The following INSR variants were observed in gnomAD, a reference collection of about 807,000 sequenced individuals.
INSR encodes IR.
Under a neutral mutation model 142.6 loss-of-function variants are expected in INSR, and 67 were observed. The ratio of observed to expected loss-of-function variants is 0.47; its 90% CI spans 0.39 to 0.58. The LOEUF (loss-of-function observed/expected upper bound fraction) is 0.58, where lower values mean the gene tolerates loss of function less well. Ranked by LOEUF, INSR falls within the 20% of genes least tolerant of loss-of-function variation. The pLI is 0.00. For missense variants in INSR, 1,248 were observed against 1,833.2 expected (o/e 0.68, Z 5.83); for synonymous variants, 756 against 743.1 (o/e 1.02, Z -0.28).
chr19:7,152,404 AG>A (rs1341220347), intron 10 of INSR: 127 of 342,460 alleles, frequency 3.7e-4, no homozygotes, highest in African/African-American at 1.8e-3. Flanking sequence ...AGAGAGAGAG[AG>A]AAAAAAAAAA....
At position 7,254,656 on chromosome 19, in the gene INSR, G is replaced by A. The variant is rs569948675; in HGVS notation, c.652+12689C>T. Among the ~76,000 whole-genome samples, 15 of 152,300 alleles carry A rather than the reference G, an allele frequency of 9.8e-5. No individual in the cohort carries two copies. In the Middle Eastern group the frequency reaches 0.01, roughly 104 times the overall value. On this transcript the variant is annotated intron_variant, in intron 2 of 21. Coordinates refer to ENST00000302850, the MANE Select transcript of INSR (RefSeq NM_000208.4). Reference sequence around the variant, plus strand: ...CACCTCCTTTTACTGGGAAATGCACGGTTCTATCTGACACAGGCGCATTGA... The same window carrying A: ...CACCTCCTTTTACTGGGAAATGCACAGTTCTATCTGACACAGGCGCATTGA...
chr19:7,176,912 A>G (rs1034752637), intron 3 of INSR, among the ~76,000 whole-genome samples: 2 of 152,214 alleles, frequency 1.3e-5, no homozygotes, highest in African/African-American at 4.8e-5. Context: ...AGTTACCCCA[A>G]CGTGGCAGAA....
chr19:7,219,699 A>C (rs1223995602), intron 2 of INSR, among the ~76,000 whole-genome samples: 1 of 152,172 alleles, frequency 6.6e-6, no homozygotes, highest in Non-Finnish European at 1.5e-5. Context: ...AAAAAAAGAA[A>C]AGAACGATTG....
intron 10 of INSR, 24 bp downstream of exon 10, chr19:7,152,702 G>T: frequency 6.3e-7 from 1 of 1,599,970 alleles, no homozygotes; most frequent in South Asian, 1.1e-5. Context: ...CACCCACTAA[G>T]AGAGCCCAGC....
chr19:7,262,949 C>T (rs951386157), intron 2 of INSR, among the ~76,000 whole-genome samples: 3 of 152,156 alleles, frequency 2.0e-5, no homozygotes, highest in Non-Finnish European at 4.4e-5. Context: ...ACCACGTGAA[C>T]GTGCTTAATG....
chr19:7,174,559 C>T lies in INSR; in HGVS notation c.1123+24G>A, dbSNP rs72549234. The stretch of plus-strand genomic sequence containing the variant: ...GGACATGGAGCCCAACAGGCACCCC[C>T]GACGCCCACACAGAGACACTCACTG... On this transcript the variant is annotated intron_variant, in intron 4 of 21. Coordinates refer to ENST00000302850, the MANE Select transcript of INSR (RefSeq NM_000208.4). 104 of 1,613,586 alleles carry T rather than the reference C, an allele frequency of 6.4e-5. No individual in the cohort carries two copies. In the African/African-American group the frequency reaches 9.1e-4, roughly 14 times the overall value.
chr19:7,136,312 A>C (rs1391560372), intron 13 of INSR, among the ~76,000 whole-genome samples: 3 of 152,206 alleles, frequency 2.0e-5, no homozygotes, highest in African/African-American at 7.2e-5. Context: ...CAGATTCTGC[A>C]GAGTGAACAA....
intron 2 of INSR, among the ~76,000 whole-genome samples, chr19:7,199,948 C>T (rs971919501): frequency 7.2e-5 from 11 of 151,868 alleles, no homozygotes; most frequent in African/African-American, 1.9e-4. Context: ...AACGGAGGGG[C>T]GGGGATTAGG....
At chr19:7,131,574 C>T in intron 14 of INSR, among the ~76,000 whole-genome samples, 1 of 149,198 alleles carries the variant, frequency 6.7e-6, no homozygotes, top group East Asian at 2.1e-4. Flanking sequence ...TCTCGATCTC[C>T]TGACCTTGTG....
chr19:7,290,942 C>T (rs756985769), intron 1 of INSR, among the ~76,000 whole-genome samples: 63 of 151,846 alleles, frequency 4.1e-4, no homozygotes, highest in Non-Finnish European at 7.9e-4. Context: ...TTGTGGAACA[C>T]GCCTGTAATC....
intron 9 of INSR, among the ~76,000 whole-genome samples, chr19:7,160,191 G>C (rs1291726488): frequency 6.6e-6 from 1 of 151,806 alleles, no homozygotes; most frequent in Non-Finnish European, 1.5e-5. Context: ...TTTTGCTTTT[G>C]TTACCCAGGC....
At chr19:7,260,310 C>T (rs766799903) in intron 2 of INSR, among the ~76,000 whole-genome samples, 3 of 152,150 alleles carry the variant, frequency 2.0e-5, no homozygotes, top group Non-Finnish European at 4.4e-5. Context: ...TGGCACCCAG[C>T]ATGTCCCGGC....
Position 7,167,994 on chromosome 19 carries a change from C to T in INSR, c.1584G>A (p.Leu528=), listed in dbSNP as rs145334760. The change falls in exon 7 of 22, where the codon TTG becomes TTA. Residue 528 remains leucine (L), a synonymous_variant. Coordinates refer to ENST00000302850, the MANE Select transcript of INSR (RefSeq NM_000208.4). The part of the protein sequence containing the change: ...PYWPPDFRDL[L]GFMLFYKEAP... The stretch of plus-strand genomic sequence containing the variant: ...CCTCTTTGTAGAACAGCATGAACCC[C>T]AAGAGGTCTCGGAAGTCGGGGGGCC... 138 of 1,614,104 alleles carry T rather than the reference C, an allele frequency of 8.5e-5. 1 individual carries two copies. In the African/African-American group the frequency reaches 1.6e-3, roughly 19 times the overall value.
At chr19:7,220,489 A>G (rs1975579530) in intron 2 of INSR, among the ~76,000 whole-genome samples, 1 of 152,212 alleles carries the variant, frequency 6.6e-6, no homozygotes, top group Admixed American at 6.5e-5. Flanking sequence ...GGGTTTCGCC[A>G]TGTTGGCCAG....
intron 9 of INSR, among the ~76,000 whole-genome samples, chr19:7,156,780 CTCTTTTT>C (rs1417520876): frequency 1.5e-5 from 2 of 133,792 alleles, no homozygotes; most frequent in African/African-American, 5.4e-5. Flanking sequence ...TACTATTTCT[CTCTTTTT>C]TTTTTTTTTT....
chr19:7,230,772 C>CACTCCAGCCTGGGTGACAGTGAG (rs1975945020), intron 2 of INSR, among the ~76,000 whole-genome samples: 2 of 144,762 alleles, frequency 1.4e-5, no homozygotes, highest in East Asian at 2.1e-4. Context: ...TGCACCACTG[C>CACTCCAGCCTGGGTGACAGTGAG]ACTCCAGCCT....
At chr19:7,215,957 G>A (rs1975420546) in intron 2 of INSR, among the ~76,000 whole-genome samples, 1 of 152,116 alleles carries the variant, frequency 6.6e-6, no homozygotes, top group Non-Finnish European at 1.5e-5. Flanking sequence ...CCCCAGCTCT[G>A]TTGGGAAATT....
chr19:7,213,293 A>C (rs904600613), intron 2 of INSR, among the ~76,000 whole-genome samples: 6 of 147,532 alleles, frequency 4.1e-5, no homozygotes, highest in Non-Finnish European at 7.5e-5. Context: ...GCAGTGAGCC[A>C]AGATCGCACC....
At position 7,293,851 on chromosome 19, in the gene INSR, A is replaced by AGGG. The variant is rs1568243558; in HGVS notation, c.40_41insCCC (p.Pro13dup). The AGGG allele has an allele frequency of 2.1e-5, 26 of 1,262,738 alleles. No homozygotes were observed. Among genetic ancestry groups the AGGG allele is most frequent in the Non-Finnish European group, 2.6e-5 (26 of 1,010,488 alleles). The allele number at this position is 1,262,738 out of a possible 1,614,324, so 78.2% of individuals were successfully genotyped here. On this transcript the variant is annotated inframe_insertion, in exon 1 of 22. Coordinates refer to ENST00000302850, the MANE Select transcript of INSR (RefSeq NM_000208.4). ...TAGCAGCGCGGCCACCGCCACCAGC[A>AGGG]GCGGCGCGGCCGCCGCCCCCCGCCG...
Sources: gnomAD v4.1 joint callset for allele counts (sites outside exome capture counted in the v4.1 genomes callset) on GRCh38, gnomAD v4.1.1 for gene constraint, MANE v1.5 for transcripts, NCBI Gene and HGNC (gene_info 2026-07-23, HGNC 2026-07-21) for gene names.